Variants in EEFSEC observed in about 807,000 individuals in gnomAD.
EEFSEC encodes the protein selenocysteine-specific elongation factor.
A neutral mutation model predicts 42.1 loss-of-function variants in EEFSEC; 43 were observed. The observed-to-expected ratio is 1.02, with a 90% CI of 0.80 to 1.32. EEFSEC has a LOEUF of 1.32. Ranked by LOEUF, EEFSEC falls within the 40% of genes most tolerant of loss-of-function variation. The probability of loss-of-function intolerance (pLI) is 0.00; values close to 1 mark genes in which losing one functional copy is unlikely to be tolerated. For synonymous variants in EEFSEC, 354 were observed against 339.1 expected (o/e 1.04, Z -0.48); for missense variants, 745 against 803.6 (o/e 0.93, Z 0.88).
intron 1 of EEFSEC, among the ~76,000 whole-genome samples, chr3:128,163,284 G>A (rs899160425): frequency 5.9e-5 from 9 of 151,880 alleles, no homozygotes; most frequent in Non-Finnish European, 5.9e-5. Flanking sequence ...GTGAGTCCTC[G>A]TTCTTCTAGG....
intron 5 of EEFSEC, among the ~76,000 whole-genome samples, chr3:128,356,447 G>A (rs529747297): frequency 6.6e-6 from 1 of 152,296 alleles, no homozygotes; most frequent in South Asian, 2.1e-4. Context: ...CCTGGGTGGG[G>A]ACAGAGGGCT....
chr3:128,230,874 AC>A (rs1363518379), intron 1 of EEFSEC, among the ~76,000 whole-genome samples: 2 of 151,958 alleles, frequency 1.3e-5, no homozygotes, highest in Non-Finnish European at 2.9e-5. Context: ...GAGATGGAGG[AC>A]TCCAGGAAGT....
At chr3:128,426,200 T>A in the EEFSEC span, among the ~76,000 whole-genome samples, 2 of 152,286 alleles carry the variant, frequency 1.3e-5, no homozygotes, top group South Asian at 4.1e-4. Context: ...CTCATGGAAG[T>A]GCGCTGAACA....
intron 6 of EEFSEC, among the ~76,000 whole-genome samples, chr3:128,372,755 A>G (rs1019215311): frequency 2.0e-5 from 3 of 152,196 alleles, no homozygotes; most frequent in African/African-American, 4.8e-5. Context: ...CACTCACCCA[A>G]TGTCTGACAG....
At chr3:128,183,432 A>T (rs1040753809) in intron 1 of EEFSEC, among the ~76,000 whole-genome samples, 2 of 152,082 alleles carry the variant, frequency 1.3e-5, no homozygotes, top group Non-Finnish European at 2.9e-5. Context: ...GATTGTGTAT[A>T]CTCTATGTCT....
chr3:128,169,128 C>T (rs373417175), intron 1 of EEFSEC, among the ~76,000 whole-genome samples: 1 of 152,320 alleles, frequency 6.6e-6, no homozygotes, highest in East Asian at 1.9e-4. Flanking sequence ...CAGGACAAGA[C>T]AGGATGCCCA....
At chr3:128,398,823 G>A (rs911223965) in intron 6 of EEFSEC, among the ~76,000 whole-genome samples, 8 of 151,498 alleles carry the variant, frequency 5.3e-5, no homozygotes, top group African/African-American at 1.2e-4. Flanking sequence ...TGCACCTCAC[G>A]GAGGCCTCAC....
intron 4 of EEFSEC, 55 bp downstream of exon 4, chr3:128,264,836 G>T: frequency 6.4e-7 from 1 of 1,567,914 alleles, no homozygotes; most frequent in Non-Finnish European, 8.7e-7. Flanking sequence ...AAGGGAGGGG[G>T]ACTGTCCCTT....
downstream of EEFSEC, among the ~76,000 whole-genome samples, chr3:128,412,226 G>A (rs190750734): frequency 4.6e-5 from 7 of 152,360 alleles, no homozygotes; most frequent in Non-Finnish European, 1.0e-4. Context: ...TGGGATTCAA[G>A]GGAGGCTTAT....
At chr3:128,173,194 T>C (rs2999052) in intron 1 of EEFSEC, among the ~76,000 whole-genome samples, 44,667 of 152,182 alleles carry the variant, frequency 0.29, 6,790 homozygotes, top group South Asian at 0.37. Flanking sequence ...AAGAGGCCCA[T>C]GCCATGTTTT....
rs116911162 is a variant in EEFSEC, at chr3:128,389,106, T to G, written c.1601-18963T>G. ...GGCCGAGGCAGCCTGCGGTGTCCTG[T>G]GGCCGGAGCCATGGGGATGGAGGCT... On this transcript the variant is annotated intron_variant, in intron 6 of 6. Transcript: ENST00000254730. 7.8e-4 allele frequency among the ~76,000 whole-genome samples: 119 copies of G among 152,264 alleles called. No homozygotes were observed. In the East Asian group the frequency reaches 0.019, roughly 24 times the overall value.
chr3:128,170,364 C>G (rs996239574), intron 1 of EEFSEC, among the ~76,000 whole-genome samples: 1 of 152,126 alleles, frequency 6.6e-6, no homozygotes, highest in African/African-American at 2.4e-5. Context: ...GAGTTCGAGA[C>G]CAGCCTAGCC....
intron 5 of EEFSEC, among the ~76,000 whole-genome samples, chr3:128,343,214 G>A (rs923957415): frequency 1.3e-5 from 2 of 152,128 alleles, no homozygotes; most frequent in African/African-American, 2.4e-5. Context: ...CCCACCCTCC[G>A]CTCCAGGTCT....
intron 6 of EEFSEC, among the ~76,000 whole-genome samples, chr3:128,359,430 G>C (rs561471857): frequency 1.1e-4 from 16 of 152,238 alleles, no homozygotes; most frequent in Non-Finnish European, 1.8e-4. Flanking sequence ...CTGTGGAATA[G>C]AATGTGGTGA....
In EEFSEC at chr3:128,243,296, G is replaced by T. The variant is rs978517049; in HGVS notation, c.317-3540G>T. Among the ~76,000 whole-genome samples, 9 of 152,176 alleles carry T rather than the reference G, an allele frequency of 5.9e-5. No homozygotes were observed. The South Asian group carries it at 6.2e-4, about 11-fold the overall frequency. ...TCCCAACTGGCTCCTGAGTGTTTGGGTCCTATCTATGCTTAGTTTTCTGGG... is the reference window on the plus strand; with the variant it reads ...TCCCAACTGGCTCCTGAGTGTTTGGTTCCTATCTATGCTTAGTTTTCTGGG... On this transcript the variant is annotated intron_variant, in intron 1 of 6. Transcript: ENST00000254730.
chr3:128,365,853 T>G (rs1157745921), intron 6 of EEFSEC, among the ~76,000 whole-genome samples: 2 of 152,210 alleles, frequency 1.3e-5, no homozygotes, highest in Non-Finnish European at 2.9e-5. Context: ...CTTTCCCTCC[T>G]GATTGAAAAC....
At chr3:128,248,378 A>G (rs2107901735) in intron 2 of EEFSEC, among the ~76,000 whole-genome samples, 1 of 152,298 alleles carries the variant, frequency 6.6e-6, no homozygotes, top group East Asian at 1.9e-4. Flanking sequence ...CAACACCTGC[A>G]GCTCTCCCTC....
At chr3:128,422,888 C>T in the EEFSEC span, among the ~76,000 whole-genome samples, 1 of 152,230 alleles carries the variant, frequency 6.6e-6, no homozygotes, top group Admixed American at 6.5e-5. Flanking sequence ...GCTGGGAGCA[C>T]TGGGTAATGA....
rs1041481774 is a variant in EEFSEC at position 128,218,234 on chromosome 3, T to C, written c.317-28602T>C. ...AAGAGACAAACCACAACAAGTTTCA[T>C]GTATAGGCCTCTTCAGTTGGCTCTG... On this transcript the variant is annotated intron_variant, in intron 1 of 6. Transcript: ENST00000254730. Among the ~76,000 whole-genome samples the C allele has an allele frequency of 2.6e-5, 4 of 152,338 alleles. No individual in the cohort carries two copies. The East Asian group carries it at 7.7e-4, about 29-fold the overall frequency.
Sources: allele counts gnomAD v4.1 joint callset (sites outside exome capture counted in the v4.1 genomes callset), GRCh38; gene constraint gnomAD v4.1.1; transcripts MANE v1.5; gene names NCBI Gene and HGNC (gene_info 2026-07-23, HGNC 2026-07-21).